The following MACROD2 variants were observed in gnomAD, a reference collection of about 807,000 sequenced individuals.
MACROD2 encodes ADP-ribose glycohydrolase MACROD2.
In MACROD2, 36 loss-of-function variants were observed where a neutral mutation model predicts 70.4. The ratio of observed to expected loss-of-function variants is 0.51; its 90% CI spans 0.39 to 0.68. The LOEUF (loss-of-function observed/expected upper bound fraction) is 0.68, where lower values mean the gene tolerates loss of function less well. Ranked by LOEUF, MACROD2 falls within the 30% of genes least tolerant of loss-of-function variation. The probability of loss-of-function intolerance (pLI) is 0.00; values close to 1 mark genes in which losing one functional copy is unlikely to be tolerated. For synonymous variants in MACROD2, 172 were observed against 178.8 expected, an observed-to-expected ratio of 0.96 and a Z score of 0.30; for missense variants, 496 against 538.4, an observed-to-expected ratio of 0.92 and a Z score of 0.78.
At chr20:15,862,895 C>T in intron 9 of MACROD2, 69 bp downstream of exon 9, 1 of 1,185,192 alleles carries the variant, frequency 8.4e-7, no homozygotes, top group South Asian at 1.4e-5. Context: ...ACTTCTATTC[C>T]TATTGTTTTT....
At chr20:15,037,042 A>G (rs2075318925) in intron 5 of MACROD2, among the ~76,000 whole-genome samples, 1 of 152,066 alleles carries the variant, frequency 6.6e-6, no homozygotes, top group Non-Finnish European at 1.5e-5. Context: ...TTATGAGACT[A>G]ATTACAAAGA....
intron 5 of MACROD2, among the ~76,000 whole-genome samples, chr20:15,150,557 C>T (rs2076261936): frequency 6.6e-6 from 1 of 151,886 alleles, no homozygotes; most frequent in Admixed American, 6.6e-5. Flanking sequence ...TTAAAGCATG[C>T]TGTGGGATGG....
chr20:15,180,231 T>G (rs2076490815), intron 5 of MACROD2, among the ~76,000 whole-genome samples: 2 of 152,206 alleles, frequency 1.3e-5, no homozygotes, highest in South Asian at 4.1e-4. Context: ...GGGACACAAT[T>G]TAATCCATAA....
intron 4 of MACROD2, among the ~76,000 whole-genome samples, chr20:14,504,402 A>G (rs1452690460): frequency 6.6e-6 from 1 of 152,376 alleles, no homozygotes; most frequent in East Asian, 1.9e-4. Flanking sequence ...CAGACCCAGT[A>G]TTTAAGCAAA....
intron 3 of MACROD2, chr20:14,352,251 C>A (rs2083129792): frequency 6.6e-6 from 1 of 152,014 alleles, no homozygotes; most frequent in South Asian, 2.1e-4. Flanking sequence ...CATAACTAGC[C>A]TCTCTAGCTG....
intron 4 of MACROD2, among the ~76,000 whole-genome samples, chr20:14,512,751 G>A (rs2085044882): frequency 6.6e-6 from 1 of 152,188 alleles, no homozygotes; most frequent in South Asian, 2.1e-4. Flanking sequence ...ACATTATGCA[G>A]TCGCTGGAGG....
At chr20:15,316,243 A>G (rs2077809587) in intron 6 of MACROD2, among the ~76,000 whole-genome samples, 1 of 152,086 alleles carries the variant, frequency 6.6e-6, no homozygotes, top group Non-Finnish European at 1.5e-5. Flanking sequence ...TTAAATGCTC[A>G]TGGATAAAAT....
At chr20:15,579,683 C>T (rs887898784) in intron 8 of MACROD2, among the ~76,000 whole-genome samples, 3 of 152,182 alleles carry the variant, frequency 2.0e-5, no homozygotes, top group East Asian at 1.9e-4. Flanking sequence ...TGATAATTCT[C>T]CTTTTGAAAT....
At chr20:14,708,379 G>A (rs1336924950) in intron 5 of MACROD2, among the ~76,000 whole-genome samples, 1 of 152,118 alleles carries the variant, frequency 6.6e-6, no homozygotes, top group Admixed American at 6.5e-5. Flanking sequence ...GTAAATGTAA[G>A]GGTGTGTCTG....
At chr20:15,981,487 G>T (rs1252013824) in intron 13 of MACROD2, among the ~76,000 whole-genome samples, 1 of 152,078 alleles carries the variant, frequency 6.6e-6, no homozygotes, top group Non-Finnish European at 1.5e-5. Context: ...AATCCATCAG[G>T]AACTGGGTCT....
At chr20:15,030,441 T>C (rs1288102784) in intron 5 of MACROD2, among the ~76,000 whole-genome samples, 5 of 152,172 alleles carry the variant, frequency 3.3e-5, no homozygotes, top group Admixed American at 1.3e-4. Context: ...TCCTGCTTAA[T>C]TGCCCTTCGG....
At chr20:15,062,475 G>A (rs960490707) in intron 5 of MACROD2, among the ~76,000 whole-genome samples, 1 of 151,774 alleles carries the variant, frequency 6.6e-6, no homozygotes. Context: ...TTTCCCAGCA[G>A]GACTAGAAGG....
chr20:15,843,616 T>C (rs1173651573), intron 8 of MACROD2, among the ~76,000 whole-genome samples: 1 of 152,176 alleles, frequency 6.6e-6, no homozygotes, highest in Non-Finnish European at 1.5e-5. Context: ...TTTAGGATAA[T>C]TTCTGAAGTG....
At chr20:14,210,379 G>C (rs2081560478) in intron 3 of MACROD2, among the ~76,000 whole-genome samples, 1 of 152,184 alleles carries the variant, frequency 6.6e-6, no homozygotes, top group South Asian at 2.1e-4. Flanking sequence ...CCCAAGGTGA[G>C]AGACAGTTGG....
At chr20:15,257,922 G>A (rs1283710339) in intron 6 of MACROD2, among the ~76,000 whole-genome samples, 2 of 151,928 alleles carry the variant, frequency 1.3e-5, no homozygotes, top group East Asian at 3.9e-4. Context: ...TGCCCCTGAA[G>A]ACCTCCCAGT....
chr20:15,151,454 T>G (rs1443239872), intron 5 of MACROD2, among the ~76,000 whole-genome samples: 1 of 152,142 alleles, frequency 6.6e-6, no homozygotes, highest in Non-Finnish European at 1.5e-5. Flanking sequence ...TCTACTCTAT[T>G]ATTGTACACC....
intron 9 of MACROD2, among the ~76,000 whole-genome samples, chr20:15,885,519 G>A (rs1175990810): frequency 6.6e-6 from 1 of 152,112 alleles, no homozygotes; most frequent in Non-Finnish European, 1.5e-5. Context: ...TGCATATACA[G>A]TTATAAATAT....
At chr20:13,999,170 ATTCT>A (rs2052700811) in intron 1 of MACROD2, among the ~76,000 whole-genome samples, 1 of 151,708 alleles carries the variant, frequency 6.6e-6, no homozygotes, top group Admixed American at 6.6e-5. Flanking sequence ...ACCATCATGT[ATTCT>A]TTCTTGGGTA....
intron 2 of MACROD2, among the ~76,000 whole-genome samples, chr20:14,047,057 A>G (rs145050878): frequency 1.7e-4 from 26 of 152,176 alleles, no homozygotes; most frequent in Non-Finnish European, 1.2e-4. Context: ...CAAATTACAG[A>G]TGAGTATATA....
Sources: allele counts gnomAD v4.1 joint callset (sites outside exome capture counted in the v4.1 genomes callset), GRCh38; gene constraint gnomAD v4.1.1; transcripts MANE v1.5; gene names NCBI Gene and HGNC (gene_info 2026-07-23, HGNC 2026-07-21).